TMEM135: variants seen among roughly 807,000 people sequenced by gnomAD.
The protein encoded by TMEM135 is transmembrane protein 135.
In TMEM135, 30 loss-of-function variants were observed where a neutral mutation model predicts 60.3. That is an observed-to-expected ratio of 0.50 (90% CI 0.37 to 0.68). The LOEUF (loss-of-function observed/expected upper bound fraction) is 0.68. TMEM135 is among the 30% of genes least tolerant of loss of function. The pLI is 0.00. For missense variants in TMEM135, 468 were observed against 548.8 expected (o/e 0.85, Z 1.47); for synonymous variants, 190 against 186.7 (o/e 1.02, Z -0.14).
intron 5 of TMEM135, among the ~76,000 whole-genome samples, chr11:87,213,184 C>T (rs1208393787): frequency 1.3e-5 from 2 of 152,042 alleles, no homozygotes; most frequent in Admixed American, 1.3e-4. Context: ...TTTCTCATTG[C>T]TTAGTGTAAT....
At chr11:87,250,831 T>C (rs1407900692) in intron 6 of TMEM135, among the ~76,000 whole-genome samples, 1 of 152,234 alleles carries the variant, frequency 6.6e-6, no homozygotes, top group African/African-American at 2.4e-5. Context: ...TAGATTTTAT[T>C]GTAAAGGGAT....
chr11:87,235,295 A>T (rs1267909453), intron 5 of TMEM135, among the ~76,000 whole-genome samples: 1 of 151,644 alleles, frequency 6.6e-6, no homozygotes, highest in African/African-American at 2.4e-5. Context: ...GGAAGGAGGG[A>T]AAGAGGGAGG....
chr11:87,149,945 G>A (rs1355310386), intron 4 of TMEM135, among the ~76,000 whole-genome samples: 1 of 152,076 alleles, frequency 6.6e-6, no homozygotes, highest in African/African-American at 2.4e-5. Context: ...GGCTGGGCGC[G>A]GTGGTGCACG....
At chr11:87,172,108 C>T (rs1244285199) in intron 5 of TMEM135, among the ~76,000 whole-genome samples, 2 of 152,036 alleles carry the variant, frequency 1.3e-5, no homozygotes, top group Non-Finnish European at 2.9e-5. Context: ...TGAGAATTGC[C>T]CATAGAGCTC....
intron 3 of TMEM135, among the ~76,000 whole-genome samples, chr11:87,087,699 T>G (rs1433527973): frequency 1.3e-5 from 2 of 152,162 alleles, no homozygotes; most frequent in Admixed American, 6.5e-5. Flanking sequence ...CTTTTAAAAT[T>G]GGCTCTGATG....
rs1857202410 is a variant in TMEM135 at position 87,091,446 on chromosome 11, T to C, written c.396+51T>C. 3.2e-6 allele frequency: 5 copies of C among 1,574,096 alleles called. No individual in the cohort carries two copies. The South Asian group carries it at 5.6e-5, about 18-fold the overall frequency. ...TGTCTTCCCATAAGCTATATCTTTT[T>C]AAAATCAAGTTTTCTTAAAAAAAGT... is the stretch of plus-strand genomic sequence containing the variant. On this transcript the variant is annotated intron_variant, in intron 4 of 14. Transcript: ENST00000305494.
intron 5 of TMEM135, among the ~76,000 whole-genome samples, chr11:87,171,047 C>T (rs1939223543): frequency 6.6e-6 from 1 of 151,924 alleles, no homozygotes; most frequent in African/African-American, 2.4e-5. Context: ...GAGCATTAAG[C>T]AAGGAGAAGA....
intron 5 of TMEM135, among the ~76,000 whole-genome samples, chr11:87,233,843 A>G (rs1940938990): frequency 1.3e-5 from 2 of 152,088 alleles, no homozygotes; most frequent in South Asian, 4.1e-4. Context: ...TGATGAAAAA[A>G]TATGATGGTT....
rs1942835946 is a variant in TMEM135, at chr11:87,322,292, TTATG to T, written c.*962_*965del. ...GTTTGTGTCCTCTCAGCTGTTTAAC[TTATG>T]TAATGGATGTTTTGCACCTGAAAAC... On this transcript the variant is annotated 3_prime_UTR_variant, in exon 15 of 15. Transcript: ENST00000305494. 1 of 454,058 alleles carries T rather than the reference TTATG, an allele frequency of 2.2e-6. No individual in the cohort carries two copies. Among genetic ancestry groups the T allele is most frequent in the Non-Finnish European group, 4.4e-6 (1 of 226,756 alleles). 28.1% of individuals were successfully genotyped at this position (454,058 alleles called of 1,614,324 possible). A position where few individuals can be genotyped will look rare whatever the true frequency, so the allele number is the denominator to read the frequency against.
rs181386810 is a variant in TMEM135, at chr11:87,114,455, C to A, written c.396+23060C>A. Among the ~76,000 whole-genome samples, 140 of 152,170 alleles carry A rather than the reference C, an allele frequency of 9.2e-4. 1 individual carries two copies. The highest frequency in any genetic ancestry group is 3.2e-3 in the African/African-American group (134 of 41,542). ...CAATTACAAGCTCCGTAAAAAACAA[C>A]AAGCTGTATAGGAAGGTGATAGTCC... On this transcript the variant is annotated intron_variant, in intron 4 of 14. Transcript: ENST00000305494.
chr11:87,295,725 T>TG, intron 6 of TMEM135, 57 bp from the exon 7 acceptor site: 1 of 1,409,424 alleles, frequency 7.1e-7, no homozygotes, highest in Non-Finnish European at 9.8e-7. Context: ...AAAAATTGAA[T>TG]AGGTACTTGT....
At chr11:87,074,735 C>T (rs1006438695) in intron 3 of TMEM135, among the ~76,000 whole-genome samples, 3 of 152,168 alleles carry the variant, frequency 2.0e-5, no homozygotes, top group Non-Finnish European at 2.9e-5. Context: ...CCACTTTACT[C>T]CTGAGTACTT....
intron 6 of TMEM135, among the ~76,000 whole-genome samples, chr11:87,284,935 A>G (rs768025742): frequency 4.4e-4 from 67 of 152,378 alleles, no homozygotes; most frequent in Non-Finnish European, 8.7e-4. Context: ...AAAATTTAAC[A>G]TGAAAACCTT....
At chr11:87,101,005 C>T (rs181116861) in intron 4 of TMEM135, among the ~76,000 whole-genome samples, 198 of 152,320 alleles carry the variant, frequency 1.3e-3, no homozygotes, top group Non-Finnish European at 1.9e-3. Context: ...TAATACCCAT[C>T]TGAAAATGTT....
At chr11:87,284,054 G>A (rs1450006520) in intron 6 of TMEM135, among the ~76,000 whole-genome samples, 1 of 152,130 alleles carries the variant, frequency 6.6e-6, no homozygotes, top group Non-Finnish European at 1.5e-5. Flanking sequence ...TTGGTTCGTA[G>A]CAATGCCATA....
intron 4 of TMEM135, among the ~76,000 whole-genome samples, chr11:87,129,788 T>G (rs1937865379): frequency 6.6e-6 from 1 of 151,806 alleles, no homozygotes; most frequent in Admixed American, 6.6e-5. Flanking sequence ...TGATCTGCCC[T>G]CCTTAGCCTC....
intron 4 of TMEM135, among the ~76,000 whole-genome samples, chr11:87,132,732 T>G (rs1162090923): frequency 1.3e-5 from 2 of 152,182 alleles, no homozygotes; most frequent in Admixed American, 1.3e-4. Flanking sequence ...CAGTAGTCCC[T>G]GTCTATCCAC....
chr11:87,259,209 C>T (rs1339424244), intron 6 of TMEM135: 2 of 500,374 alleles, frequency 4.0e-6, no homozygotes, highest in Middle Eastern at 3.4e-4. Flanking sequence ...CTCCACGTCG[C>T]CTTTTGGGAG....
At chr11:87,106,177 C>T (rs11533276) in intron 4 of TMEM135, among the ~76,000 whole-genome samples, 1 of 151,466 alleles carries the variant, frequency 6.6e-6, no homozygotes, top group Non-Finnish European at 1.5e-5. Context: ...GATCTCGGCT[C>T]ACTGCAACCT....
Sources: allele counts gnomAD v4.1 joint callset (sites outside exome capture counted in the v4.1 genomes callset), GRCh38; gene constraint gnomAD v4.1.1; transcripts MANE v1.5; gene names NCBI Gene and HGNC (gene_info 2026-07-23, HGNC 2026-07-21).